Variants in SLC22A14 observed in about 807,000 individuals in gnomAD.
SLC22A14 encodes the protein solute carrier family 22 member 14.
In SLC22A14, 50 loss-of-function variants were observed where a neutral mutation model predicts 53.9. The observed-to-expected ratio is 0.93, with a 90% CI of 0.74 to 1.17. SLC22A14 has a LOEUF of 1.17. SLC22A14 is among the 50% of genes most tolerant of loss of function. SLC22A14 has a pLI of 0.00. For missense variants in SLC22A14, 671 were observed against 734.7 expected (o/e 0.91, Z 1.00); for synonymous variants, 312 against 303.0 (o/e 1.03, Z -0.31).
intron 6 of SLC22A14, 82 bp downstream of exon 6, chr3:38,313,201 C>A: frequency 6.4e-7 from 1 of 1,565,568 alleles, no homozygotes; most frequent in Non-Finnish European, 8.7e-7. Flanking sequence ...TCAGGTGGGA[C>A]ATTGGTCCAG....
At chr3:38,287,920 C>A (rs776376516) in intron 1 of SLC22A14, among the ~76,000 whole-genome samples, 5 of 152,012 alleles carry the variant, frequency 3.3e-5, no homozygotes, top group Non-Finnish European at 5.9e-5. Context: ...ATTTTTAAAC[C>A]ATTTTTTAAA....
chr3:38,297,713 A>G (rs771892590), intron 1 of SLC22A14, among the ~76,000 whole-genome samples: 7 of 152,174 alleles, frequency 4.6e-5, no homozygotes, highest in Non-Finnish European at 1.0e-4. Context: ...TTAGTACATC[A>G]TATGCAGGGG....
At position 38,306,277 on chromosome 3, in the gene SLC22A14, T is replaced by A. The variant is rs752661992; in HGVS notation, c.251T>A (p.Met84Lys). 1 of 1,614,212 alleles carries A rather than the reference T, an allele frequency of 6.2e-7. No homozygotes were observed. The highest frequency in any genetic ancestry group is 8.5e-7 in the Non-Finnish European group (1 of 1,180,036). ...CCCAGCATCATGTCGGCCTTCTTCATGTTTGCTGACCACTTCGTGTTCACA... is the reference window on the plus strand; with the variant it reads ...CCCAGCATCATGTCGGCCTTCTTCAAGTTTGCTGACCACTTCGTGTTCACA... The part of the protein sequence containing the change: ...FIPSIMSAFF[M>K]FADHFVFTAQ... Residue 84 changes from methionine (M) to lysine (K), a missense_variant, in exon 2 of 11, where the codon ATG becomes AAG. Physicochemically the swap from Met to Lys is moderately conservative, Grantham distance 95 (BLOSUM62 -1). Coordinates refer to ENST00000448498, the MANE Select transcript of SLC22A14 (RefSeq NM_001320033.2).
At chr3:38,310,054 A>G (rs1704425746) in intron 5 of SLC22A14, among the ~76,000 whole-genome samples, 1 of 152,126 alleles carries the variant, frequency 6.6e-6, no homozygotes, top group African/African-American at 2.4e-5. Context: ...TAACTGTACC[A>G]TATGTAGTAA....
At position 38,307,923 on chromosome 3, in the gene SLC22A14, A is replaced by G. The variant is rs947497498; in HGVS notation, c.775+203A>G. On this transcript the variant is annotated intron_variant, in intron 4 of 10. Transcript: ENST00000448498. This position sits in a 1 kb window ranked among gnomAD's most constrained non-coding sequence, Gnocchi z 4.4. ...CACAGGACACAGAGTCAGGGGCCTAATTGGACAGGCAGAAGTGGAAGGGAT... is the reference window on the plus strand; with the variant it reads ...CACAGGACACAGAGTCAGGGGCCTAGTTGGACAGGCAGAAGTGGAAGGGAT... 1.7e-6 allele frequency: 1 copy of G among 597,270 alleles called. No homozygotes were observed. Among genetic ancestry groups the G allele is most frequent in the Admixed American group, 3.0e-5 (1 of 32,872 alleles). The allele number at this position is 597,270 out of a possible 1,614,324, so 37.0% of individuals were successfully genotyped here. A position where few individuals can be genotyped will look rare whatever the true frequency, so the allele number is the denominator to read the frequency against.
chr3:38,307,200 G>A lies in SLC22A14; in HGVS notation c.517-54G>A. ...AGGTCCCACGCTGGGATGAGTCTCA[G>A]TCTCTGGACCCAAAGGTGGGCACCC... On this transcript the variant is annotated intron_variant, in intron 2 of 10. Transcript: ENST00000448498. The surrounding 1 kb of genome is among the most constrained non-coding windows in gnomAD (Gnocchi z 4.4). The A allele has an allele frequency of 1.6e-6, 2 of 1,280,674 alleles. No homozygotes were observed. The highest frequency in any genetic ancestry group is 4.6e-5 in the East Asian group (2 of 43,254). The allele number at this position is 1,280,674 out of a possible 1,614,324, so 79.3% of individuals were successfully genotyped here.
At chr3:38,302,285 T>C (rs1704179401) in intron 1 of SLC22A14, among the ~76,000 whole-genome samples, 2 of 146,346 alleles carry the variant, frequency 1.4e-5, no homozygotes, top group African/African-American at 5.0e-5. Flanking sequence ...TATACACATA[T>C]ATATTTATAT....
At chr3:38,318,007 C>T (rs1473568765) in intron 10 of SLC22A14, among the ~76,000 whole-genome samples, 191 bp from the exon 11 acceptor site, 4 of 152,134 alleles carry the variant, frequency 2.6e-5, no homozygotes, top group African/African-American at 4.8e-5. Flanking sequence ...AGAAGGGTCT[C>T]GCAAGGGTTG....
chr3:38,281,765 G>T (rs1703674342), upstream of SLC22A14, among the ~76,000 whole-genome samples: 1 of 152,206 alleles, frequency 6.6e-6, no homozygotes, highest in African/African-American at 2.4e-5. Flanking sequence ...CTAAGTACAT[G>T]CTGTACTGGT....
intron 10 of SLC22A14, among the ~76,000 whole-genome samples, chr3:38,317,490 C>T (rs938222860): frequency 1.3e-5 from 2 of 152,158 alleles, no homozygotes; most frequent in Middle Eastern, 3.2e-3. Flanking sequence ...GAAAATGTCA[C>T]AGTGACAACT....
intron 1 of SLC22A14, among the ~76,000 whole-genome samples, chr3:38,283,153 G>A (rs764255025): frequency 2.0e-5 from 3 of 151,998 alleles, no homozygotes; most frequent in African/African-American, 2.4e-5. Context: ...TCTTTATCAC[G>A]CTGCATTTCT....
intron 1 of SLC22A14, among the ~76,000 whole-genome samples, chr3:38,289,969 C>G (rs1703876688): frequency 2.0e-5 from 3 of 152,336 alleles, no homozygotes; most frequent in Non-Finnish European, 4.4e-5. Context: ...CATTGTCCCT[C>G]CTGCTGTGCT....
intron 1 of SLC22A14, among the ~76,000 whole-genome samples, chr3:38,290,538 GC>G (rs34209034): frequency 0.2 from 30,719 of 152,132 alleles, 3,342 homozygotes; most frequent in African/African-American, 0.27. Context: ...CTGACTATCT[GC>G]TTGACAGTTT....
intron 5 of SLC22A14, among the ~76,000 whole-genome samples, chr3:38,310,040 A>G (rs888914582): frequency 9.2e-5 from 14 of 152,164 alleles, no homozygotes; most frequent in African/African-American, 3.1e-4. Flanking sequence ...AAGCCTCTGC[A>G]TTTTAACTGT....
upstream of SLC22A14, among the ~76,000 whole-genome samples, chr3:38,280,807 T>G (rs1703652322): frequency 6.6e-6 from 1 of 152,240 alleles, no homozygotes; most frequent in Non-Finnish European, 1.5e-5. Flanking sequence ...TTTTTGTATT[T>G]TTAGTAGAGA....
intron 1 of SLC22A14, among the ~76,000 whole-genome samples, chr3:38,292,214 T>A (rs1000120469): frequency 6.6e-6 from 1 of 152,216 alleles, no homozygotes; most frequent in Non-Finnish European, 1.5e-5. Context: ...CTTGGGCTAA[T>A]GCCTGGCCAA....
At chr3:38,284,443 CA>C (rs1703744575) in intron 1 of SLC22A14, among the ~76,000 whole-genome samples, 1 of 152,230 alleles carries the variant, frequency 6.6e-6, no homozygotes, top group Admixed American at 6.5e-5. Context: ...CCTCTAGGCC[CA>C]CCACAGTGCC....
chr3:38,283,396 CCTCT>C (rs1703716946), intron 1 of SLC22A14, among the ~76,000 whole-genome samples: 1 of 152,120 alleles, frequency 6.6e-6, no homozygotes, highest in African/African-American at 2.4e-5. Context: ...GCATGCTCTC[CCTCT>C]GTGTTCCCTG....
intron 1 of SLC22A14, among the ~76,000 whole-genome samples, chr3:38,303,425 A>G (rs1443784259): frequency 6.6e-6 from 1 of 152,066 alleles, no homozygotes; most frequent in Non-Finnish European, 1.5e-5. Context: ...TTGATATGTT[A>G]TGGTTCTTAC....
Sources: allele counts gnomAD v4.1 joint callset (sites outside exome capture counted in the v4.1 genomes callset), GRCh38; gene constraint gnomAD v4.1.1; non-coding constraint Gnocchi (gnomAD v3.1); transcripts MANE v1.5; gene names NCBI Gene and HGNC (gene_info 2026-07-23, HGNC 2026-07-21).